Variants in UBE2F observed in about 807,000 individuals in gnomAD.
UBE2F encodes NEDD8-conjugating enzyme UBE2F.
UBE2F carries 5 observed loss-of-function variants against 29.6 expected under a neutral mutation model. The ratio of observed to expected loss-of-function variants is 0.17; its 90% CI spans 0.09 to 0.36. The LOEUF is 0.36. Ranked by LOEUF, UBE2F falls within the 10% of genes least tolerant of loss-of-function variation. The probability of loss-of-function intolerance (pLI) is 1.00; values close to 1 mark genes in which losing one functional copy is unlikely to be tolerated. For synonymous variants in UBE2F, 66 were observed against 81.8 expected (o/e 0.81, Z 1.04); for missense variants, 141 against 228.5 (o/e 0.62, Z 2.47).
chr2:238,002,497 A>G (rs761235456), intron 4 of UBE2F, among the ~76,000 whole-genome samples: 1 of 152,042 alleles, frequency 6.6e-6, no homozygotes, highest in Admixed American at 6.6e-5. Flanking sequence ...TCGGCCTCCC[A>G]AAGTGCTGGG....
At chr2:237,972,524 ACT>A (rs1212294774) in intron 1 of UBE2F, among the ~76,000 whole-genome samples, 2 of 142,534 alleles carry the variant, frequency 1.4e-5, no homozygotes, top group African/African-American at 2.6e-5. Flanking sequence ...GAAATGCATG[ACT>A]CTTTTTAATT....
Position 238,041,312 on chromosome 2 carries a change from G to A in UBE2F, c.532G>A (p.Asp178Asn). ...GGAGGACTTCCGGAATAAAGTGGATGACTACATCAAACGTTATGCCAGATG... is the reference window on the plus strand; with the variant it reads ...GGAGGACTTCCGGAATAAAGTGGATAACTACATCAAACGTTATGCCAGATG... ...DKEDFRNKVD[D>N]YIKRYAR Residue 178 changes from aspartate to asparagine, a missense_variant, in exon 10 of 10, where the codon GAC becomes AAC. Asp to Asn is a conservative substitution (Grantham distance 23). Transcript: ENST00000272930. The A allele has an allele frequency of 2.5e-6, 4 of 1,613,944 alleles. No homozygotes were observed. The highest frequency in any genetic ancestry group is 2.5e-6 in the Non-Finnish European group (3 of 1,179,854).
intron 5 of UBE2F, among the ~76,000 whole-genome samples, chr2:238,024,684 C>A (rs1001431947): frequency 2.0e-5 from 3 of 152,126 alleles, no homozygotes; most frequent in African/African-American, 7.2e-5. Context: ...AAGTGAGCCA[C>A]CATGCCCAAA....
At chr2:237,980,342 C>T (rs2063355236) in intron 2 of UBE2F, among the ~76,000 whole-genome samples, 1 of 152,218 alleles carries the variant, frequency 6.6e-6, no homozygotes, top group Non-Finnish European at 1.5e-5. Flanking sequence ...TGTTTCCCTT[C>T]TGGAGGCTGG....
At chr2:238,007,132 G>GT (rs577625722) in intron 4 of UBE2F, among the ~76,000 whole-genome samples, 4 of 151,936 alleles carry the variant, frequency 2.6e-5, no homozygotes, top group Admixed American at 2.6e-4. Context: ...GTTTTTGTCT[G>GT]TTTTTTCGAG....
intron 2 of UBE2F, among the ~76,000 whole-genome samples, chr2:237,978,586 G>T (rs1029692830): frequency 6.6e-6 from 1 of 152,216 alleles, no homozygotes; most frequent in African/African-American, 2.4e-5. Flanking sequence ...TCCCCGCTCA[G>T]CCACACCCAC....
chr2:237,978,353 A>T (rs888513341), intron 2 of UBE2F, among the ~76,000 whole-genome samples: 3 of 152,082 alleles, frequency 2.0e-5, no homozygotes, highest in Non-Finnish European at 4.4e-5. Context: ...AGTAGGGCTG[A>T]GCTTATAGGA....
rs1209325638 is a variant in UBE2F, at chr2:238,032,278, A to G, written c.444+24A>G. 1.9e-6 allele frequency: 3 copies of G among 1,591,200 alleles called. No homozygotes were observed. In the East Asian group the frequency reaches 6.7e-5, roughly 36 times the overall value. Reference sequence around the variant, plus strand: ...CTGTAAGTACAGTGATCAAAATCCCAAGTTATTCTCAATTTCCTTGTTGCT... The same window carrying G: ...CTGTAAGTACAGTGATCAAAATCCCGAGTTATTCTCAATTTCCTTGTTGCT... On this transcript the variant is annotated intron_variant, in intron 8 of 9. Coordinates refer to ENST00000272930, the MANE Select transcript of UBE2F (RefSeq NM_080678.3).
At chr2:238,011,203 A>G (rs2064019635) in intron 4 of UBE2F, among the ~76,000 whole-genome samples, 1 of 152,174 alleles carries the variant, frequency 6.6e-6, no homozygotes, top group African/African-American at 2.4e-5. Context: ...TGCAGGGCCC[A>G]ACACCCTTTG....
At chr2:237,991,205 GA>G (rs1385350019) in intron 3 of UBE2F, among the ~76,000 whole-genome samples, 2 of 152,130 alleles carry the variant, frequency 1.3e-5, no homozygotes, top group African/African-American at 2.4e-5. Flanking sequence ...CCTAATCGAA[GA>G]GGGGGAAATT....
At position 237,980,315 on chromosome 2, in the gene UBE2F, C is replaced by T. The variant is rs144448547; in HGVS notation, c.118+7090C>T. ...TAACAAAGGACCATAGATGGTTTGG[C>T]CTAAACAATAGGCATGTGTTTCCCT... On this transcript the variant is annotated intron_variant, in intron 2 of 9. Transcript: ENST00000272930. Among the ~76,000 whole-genome samples the T allele has an allele frequency of 2.1e-3, 313 of 152,296 alleles. 1 individual carries two copies. The highest frequency in any genetic ancestry group is 4.8e-3 in the South Asian group (23 of 4,830).
At position 237,988,009 on chromosome 2, in the gene UBE2F, C is replaced by T; in HGVS notation, c.148+17C>T. ...ATTTACCTTGTAAGTATAGCATCCC[C>T]AAACACTAAGTACTGTGAAATAATT... On this transcript the variant is annotated intron_variant, in intron 3 of 9. Transcript: ENST00000272930. The T allele has an allele frequency of 6.7e-7, 1 of 1,483,212 alleles. No homozygotes were observed. Among genetic ancestry groups the T allele is most frequent in the South Asian group, 1.3e-5 (1 of 74,186 alleles). The allele number at this position is 1,483,212 out of a possible 1,614,324, so 91.9% of individuals were successfully genotyped here.
At chr2:238,030,711 C>A in intron 7 of UBE2F, 98 bp downstream of exon 7, 2 of 882,318 alleles carry the variant, frequency 2.3e-6, no homozygotes, top group South Asian at 1.4e-5. Flanking sequence ...CCTTGCCTGT[C>A]ACATCCACAC....
At position 238,025,521 on chromosome 2, in the gene UBE2F, T is replaced by C. The variant is rs1411403543; in HGVS notation, c.353+109T>C. On this transcript the variant is annotated intron_variant, in intron 6 of 9. Transcript: ENST00000272930. ...AAAGATTTTGAGGCATGGCCAAGAT[T>C]AGGAAGGGCTTGAACTCAGCTGAAG... 5 of 1,019,510 alleles carry C rather than the reference T, an allele frequency of 4.9e-6. No individual in the cohort carries two copies. The East Asian group carries it at 1.3e-4, about 27-fold the overall frequency. 63.2% of individuals were successfully genotyped at this position (1,019,510 alleles called of 1,614,324 possible). A position where few individuals can be genotyped will look rare whatever the true frequency, so the allele number is the denominator to read the frequency against.
intron 1 of UBE2F, among the ~76,000 whole-genome samples, chr2:237,969,231 C>T (rs879484946): frequency 9.9e-5 from 15 of 152,200 alleles, no homozygotes; most frequent in Non-Finnish European, 2.1e-4. Flanking sequence ...GTTGGAGCGT[C>T]TTCTGCCCAC....
intron 4 of UBE2F, among the ~76,000 whole-genome samples, chr2:238,001,941 G>A (rs1458461002): frequency 2.0e-5 from 3 of 152,146 alleles, no homozygotes; most frequent in African/African-American, 7.2e-5. Flanking sequence ...TAAACGTGCA[G>A]CTTACATTGA....
intron 6 of UBE2F, among the ~76,000 whole-genome samples, chr2:238,025,737 A>G (rs1191809412): frequency 2.6e-5 from 4 of 152,212 alleles, no homozygotes; most frequent in Non-Finnish European, 5.9e-5. Flanking sequence ...CATTCCCTCC[A>G]TGTGGCTGAT....
At chr2:237,975,316 CCCAGGCTGGTCTTGAACT>C (rs1222701523) in intron 2 of UBE2F, among the ~76,000 whole-genome samples, 1 of 150,820 alleles carries the variant, frequency 6.6e-6, no homozygotes, top group African/African-American at 2.4e-5. Flanking sequence ...CATTATGTTG[CCCAGGCTGGTCTTGAACT>C]CCTGGGCTCA....
At chr2:237,974,502 T>G (rs13405668) in intron 2 of UBE2F, among the ~76,000 whole-genome samples, 76 of 38,442 alleles carry the variant, frequency 2.0e-3, no homozygotes, top group Non-Finnish European at 3.3e-3. Flanking sequence ...ATTTTTGTGG[T>G]TTTTTTTTTT....
Sources: allele counts gnomAD v4.1 joint callset (sites outside exome capture counted in the v4.1 genomes callset), GRCh38; gene constraint gnomAD v4.1.1; transcripts MANE v1.5; gene names NCBI Gene and HGNC (gene_info 2026-07-23, HGNC 2026-07-21).